Variants in DEPDC4 observed in about 807,000 individuals in gnomAD.
The protein encoded by DEPDC4 is DEP domain containing 4.
A neutral mutation model predicts 52.0 loss-of-function variants in DEPDC4; 52 were observed. That is an observed-to-expected ratio of 1.00 (90% confidence interval 0.80 to 1.26). DEPDC4 has a LOEUF of 1.26. Ranked by LOEUF, DEPDC4 falls within the 50% of genes most tolerant of loss-of-function variation. The pLI, the probability that DEPDC4 is intolerant of heterozygous loss-of-function variation, is 0.00. For missense variants in DEPDC4, 530 were observed against 546.9 expected, an observed-to-expected ratio of 0.97 and a Z score of 0.31; for synonymous variants, 201 against 196.8, an observed-to-expected ratio of 1.02 and a Z score of -0.18.
chr12:100,276,499 A>T, the DEPDC4 span, among the ~76,000 whole-genome samples: 1 of 151,848 alleles, frequency 6.6e-6, no homozygotes, highest in African/African-American at 2.4e-5. Context: ...TGCCCTGCAC[A>T]TTTTATTTTA....
chr12:100,259,033 T>C (rs967192393), intron 3 of DEPDC4, among the ~76,000 whole-genome samples: 1 of 150,872 alleles, frequency 6.6e-6, no homozygotes, highest in Non-Finnish European at 1.5e-5. Flanking sequence ...ATCGCACCAC[T>C]GCACTCCAGC....
chr12:100,259,717 C>T (rs915692086), intron 3 of DEPDC4, among the ~76,000 whole-genome samples: 1 of 151,838 alleles, frequency 6.6e-6, no homozygotes, highest in Admixed American at 6.6e-5. Context: ...ATGGATGTGC[C>T]TAAAACTGAA....
chr12:100,251,696 T>C (rs2096208696), intron 7 of DEPDC4, among the ~76,000 whole-genome samples: 2 of 152,106 alleles, frequency 1.3e-5, no homozygotes, highest in African/African-American at 4.8e-5. Context: ...GCCTCCTGAG[T>C]AGCTGGGATT....
chr12:100,279,392 A>G, the DEPDC4 span, among the ~76,000 whole-genome samples: 1 of 152,212 alleles, frequency 6.6e-6, no homozygotes, highest in Non-Finnish European at 1.5e-5. Flanking sequence ...CCCGGTTCCT[A>G]ATAGGCCGTG....
chr12:100,276,138 A>T, the DEPDC4 span, among the ~76,000 whole-genome samples: 1 of 152,198 alleles, frequency 6.6e-6, no homozygotes, highest in African/African-American at 2.4e-5. Context: ...TGTCAAGGTA[A>T]TGCTGACTAC....
At chr12:100,267,136 C>G (rs1231916238), upstream of DEPDC4, 29 of 1,562,590 alleles carry the variant, frequency 1.9e-5, no homozygotes, top group Non-Finnish European at 2.4e-5. Context: ...TCTTCCGAAC[C>G]GGCAGGAAGT....
intron 7 of DEPDC4, among the ~76,000 whole-genome samples, chr12:100,250,773 T>C (rs2096204405): frequency 6.6e-6 from 1 of 151,546 alleles, no homozygotes; most frequent in Non-Finnish European, 1.5e-5. Flanking sequence ...AAACTACATA[T>C]GAGAAAAACT....
the DEPDC4 span, among the ~76,000 whole-genome samples, chr12:100,280,059 G>T: frequency 6.6e-6 from 1 of 152,162 alleles, no homozygotes; most frequent in Non-Finnish European, 1.5e-5. Context: ...TTTGGAATGT[G>T]CCTCTGGGGC....
intron 7 of DEPDC4, among the ~76,000 whole-genome samples, 182 bp from the exon 8 acceptor site, chr12:100,249,160 C>T (rs2096197856): frequency 6.6e-6 from 1 of 152,070 alleles, no homozygotes; most frequent in Non-Finnish European, 1.5e-5. Context: ...TTTTTTAGCA[C>T]TCTTAAAATC....
At chr12:100,271,361 G>T (rs568703062), upstream of DEPDC4, among the ~76,000 whole-genome samples, 4 of 151,212 alleles carry the variant, frequency 2.6e-5, no homozygotes, top group Non-Finnish European at 5.9e-5. Context: ...ATAAGCACAC[G>T]TATTTTCCCC....
At chr12:100,237,551 A>G (rs2096143361), downstream of DEPDC4, among the ~76,000 whole-genome samples, 1 of 152,030 alleles carries the variant, frequency 6.6e-6, no homozygotes, top group Non-Finnish European at 1.5e-5. Flanking sequence ...TGATGGTAGT[A>G]TTTTAATGGA....
chr12:100,253,753 A>C (rs1297396740), intron 4 of DEPDC4, 38 bp from the exon 5 acceptor site: 1 of 1,122,172 alleles, frequency 8.9e-7, no homozygotes, highest in Non-Finnish European at 1.2e-6. Flanking sequence ...AGCAATGGTT[A>C]ACATTTCCAT....
At chr12:100,260,125 A>C (rs977242559) in intron 3 of DEPDC4, among the ~76,000 whole-genome samples, 7 of 147,556 alleles carry the variant, frequency 4.7e-5, no homozygotes, top group Non-Finnish European at 1.1e-4. Context: ...TACCTATAGA[A>C]TTTTTTTTTT....
chr12:100,252,595 GTATT>G, intron 5 of DEPDC4, 59 bp from the exon 6 acceptor site: 1 of 1,477,394 alleles, frequency 6.8e-7, no homozygotes. Flanking sequence ...AGTATAGTAA[GTATT>G]TACTTAGTAG....
Position 100,241,636 on chromosome 12 carries a change from T to C in DEPDC4, c.*256A>G. ...GAGAAAACCACCAGAGAATTGTTTA[T>C]ATTTACAAATTGTAGTTTCTTGTAT... On this transcript the variant is annotated 3_prime_UTR_variant, in exon 10 of 10. Coordinates refer to ENST00000550587, the MANE Select transcript of DEPDC4 (RefSeq NM_001364818.2). 6.9e-6 allele frequency: 8 copies of C among 1,152,390 alleles called. No homozygotes were observed. The South Asian group carries it at 1.3e-4, about 19-fold the overall frequency. The allele number at this position is 1,152,390 out of a possible 1,614,324, so 71.4% of individuals were successfully genotyped here.
Position 100,253,529 on chromosome 12 carries a change from A to C in DEPDC4, c.1065T>G (p.Asp355Glu). The change falls in exon 5 of 10, where the codon GAT (aspartate) becomes GAG (glutamate). Residue 355 changes from aspartate to glutamate, a missense_variant. Coordinates refer to ENST00000550587, the MANE Select transcript of DEPDC4 (RefSeq NM_001364818.2). ...TTCCTGAATGAATATCAAAATACTCATCAGTTAATAGGCAATCTCTCTCTT... is the reference window on the plus strand; with the variant it reads ...TTCCTGAATGAATATCAAAATACTCCTCAGTTAATAGGCAATCTCTCTCTT... ...YAQERDCLLTDEYFDIHSGII... is the reference protein window; with the variant it reads ...YAQERDCLLTEEYFDIHSGII... The C allele has an allele frequency of 7.8e-7, 1 of 1,286,772 alleles. No homozygotes were observed. The highest frequency in any genetic ancestry group is 2.6e-4 in the Middle Eastern group (1 of 3,910). The allele number at this position is 1,286,772 out of a possible 1,614,324, so 79.7% of individuals were successfully genotyped here.
intron 3 of DEPDC4, among the ~76,000 whole-genome samples, chr12:100,261,529 G>C (rs10860569): frequency 0.15 from 22,935 of 152,260 alleles, 2,182 homozygotes; most frequent in Non-Finnish European, 0.21. Context: ...GAAAGGGAAA[G>C]AGTAGGAAGA....
intron 8 of DEPDC4, among the ~76,000 whole-genome samples, chr12:100,248,362 T>A (rs1038886784): frequency 3.2e-4 from 48 of 152,214 alleles, no homozygotes; most frequent in Non-Finnish European, 6.0e-4. Context: ...CTATTTTGTT[T>A]CCTGCATGAC....
rs139919128 is a variant in DEPDC4 at position 100,250,973 on chromosome 12, G to A, written c.1374+1203C>T. 7.9e-4 allele frequency among the ~76,000 whole-genome samples: 120 copies of A among 152,074 alleles called. 1 individual carries two copies. The East Asian group carries it at 0.02, about 25-fold the overall frequency. ...AATGAAACATTTTTTAATGTTTAAT[G>A]TTAATGGGACTGCCTCTATTGTATA... On this transcript the variant is annotated intron_variant, in intron 7 of 9. Coordinates refer to ENST00000550587, the MANE Select transcript of DEPDC4 (RefSeq NM_001364818.2).
Sources: allele counts gnomAD v4.1 joint callset (sites outside exome capture counted in the v4.1 genomes callset), GRCh38; gene constraint gnomAD v4.1.1; transcripts MANE v1.5; gene names NCBI Gene and HGNC (gene_info 2026-07-23, HGNC 2026-07-21).